The following FOXP2 variants were observed in gnomAD, a reference collection of about 807,000 sequenced individuals.
FOXP2 encodes the protein forkhead box protein P2.
A neutral mutation model predicts 115.8 loss-of-function variants in FOXP2; 12 were observed. That is an observed-to-expected ratio of 0.10 (90% CI 0.07 to 0.17). The LOEUF is 0.17. Ranked by LOEUF, FOXP2 falls within the 10% of genes least tolerant of loss-of-function variation. The pLI is 1.00. For synonymous variants in FOXP2, 328 were observed against 297.7 expected (o/e 1.10, Z -1.05); for missense variants, 629 against 843.5 (o/e 0.75, Z 3.15).
rs187360898 is a variant in FOXP2 at position 114,622,990 on chromosome 7, T to C, written c.259-5550T>C. On this transcript the variant is annotated intron_variant, in intron 3 of 16. Coordinates refer to ENST00000350908, the MANE Select transcript of FOXP2 (RefSeq NM_014491.4). ...ATGATGGTGTTTTCATAAATGACTA[T>C]ACCTCTTTTTATGGTGCACCTGTCT... Among the ~76,000 whole-genome samples, 7 of 152,082 alleles carry C rather than the reference T, an allele frequency of 4.6e-5. No individual in the cohort carries two copies. In the Middle Eastern group the frequency reaches 0.01, roughly 222 times the overall value.
intron 1 of FOXP2, among the ~76,000 whole-genome samples, chr7:114,220,355 A>G (rs908693694): frequency 6.6e-6 from 1 of 152,190 alleles, no homozygotes; most frequent in African/African-American, 2.4e-5. Context: ...ACAATTACAT[A>G]ACAGTTTCTG....
intron 2 of FOXP2, among the ~76,000 whole-genome samples, chr7:114,399,947 C>G (rs893107738): frequency 2.0e-5 from 3 of 151,308 alleles, no homozygotes; most frequent in African/African-American, 7.3e-5. Context: ...ACCTCCGCCC[C>G]CCGAGTTCAA....
chr7:114,327,637 G>A (rs187144915), intron 2 of FOXP2, among the ~76,000 whole-genome samples: 60 of 151,840 alleles, frequency 4.0e-4, no homozygotes, highest in African/African-American at 1.4e-3. Flanking sequence ...GAATAGCTGG[G>A]ACTAGAGGCA....
At chr7:114,303,186 T>C (rs148536871) in intron 2 of FOXP2, among the ~76,000 whole-genome samples, 2,269 of 152,254 alleles carry the variant, frequency 0.015, 25 homozygotes, top group African/African-American at 0.026. Flanking sequence ...ATATCACTTA[T>C]TGTTAAATGA....
At chr7:114,667,389 A>G (rs1299765807) in intron 16 of FOXP2, 5 of 152,224 alleles carry the variant, frequency 3.3e-5, no homozygotes, top group African/African-American at 9.7e-5. Flanking sequence ...TGATCATGGC[A>G]TGGAACTCCA....
At chr7:114,279,938 C>T (rs1381007150) in intron 1 of FOXP2, among the ~76,000 whole-genome samples, 16 of 151,844 alleles carry the variant, frequency 1.1e-4, no homozygotes, top group Admixed American at 9.9e-4. Flanking sequence ...CATCTTACTG[C>T]AATAAAGAAC....
chr7:114,443,200 A>G (rs946139438), intron 2 of FOXP2, among the ~76,000 whole-genome samples: 1 of 152,214 alleles, frequency 6.6e-6, no homozygotes, highest in Non-Finnish European at 1.5e-5. Context: ...TAACATATGT[A>G]CTGTCTCTAC....
intron 2 of FOXP2, among the ~76,000 whole-genome samples, chr7:114,521,370 A>AAAAC (rs1322804527): frequency 1.3e-5 from 2 of 151,898 alleles, no homozygotes; most frequent in Non-Finnish European, 1.5e-5. Flanking sequence ...AACTCTACCA[A>AAAAC]AAACAAACAA....
intron 1 of FOXP2, among the ~76,000 whole-genome samples, chr7:114,108,606 A>C: frequency 6.6e-6 from 1 of 151,914 alleles, no homozygotes; most frequent in East Asian, 1.9e-4. Flanking sequence ...TGTATTTTTA[A>C]ATGTAGAACT....
intron 3 of FOXP2, among the ~76,000 whole-genome samples, chr7:114,575,065 A>G (rs141123435): frequency 7.4e-4 from 112 of 151,822 alleles, no homozygotes; most frequent in Middle Eastern, 3.4e-3. Context: ...TGTGTTCCAA[A>G]TTCATCTCTC....
At chr7:114,238,504 G>A (rs569893718) in intron 1 of FOXP2, among the ~76,000 whole-genome samples, 3 of 152,322 alleles carry the variant, frequency 2.0e-5, no homozygotes, top group African/African-American at 7.2e-5. Flanking sequence ...TTGGCGAAGT[G>A]GCTCACGCCT....
intron 1 of FOXP2, among the ~76,000 whole-genome samples, chr7:114,139,858 A>G (rs1347131480): frequency 4.6e-5 from 7 of 152,160 alleles, no homozygotes; most frequent in African/African-American, 1.7e-4. Context: ...CATGCCTGTA[A>G]TCCTAGCACT....
chr7:114,198,269 C>T (rs1793965186), intron 1 of FOXP2, among the ~76,000 whole-genome samples: 1 of 152,124 alleles, frequency 6.6e-6, no homozygotes, highest in Non-Finnish European at 1.5e-5. Flanking sequence ...TGATTGGAAA[C>T]AATAGGTCAT....
intron 2 of FOXP2, among the ~76,000 whole-genome samples, chr7:114,291,860 T>TATATAATATATAGATAATATATAGA (rs1249906856): frequency 6.6e-5 from 6 of 91,506 alleles, no homozygotes; most frequent in South Asian, 3.3e-4. Context: ...TAACATTTTA[T>TATATAATATATAGATAATATATAGA]ATATAATATA....
At chr7:114,222,224 T>C (rs1794641589) in intron 1 of FOXP2, among the ~76,000 whole-genome samples, 2 of 152,208 alleles carry the variant, frequency 1.3e-5, no homozygotes, top group East Asian at 3.9e-4. Flanking sequence ...GGTGCAATCT[T>C]GGCTCACTGC....
chr7:114,100,429 G>T (rs1799753021), intron 1 of FOXP2, among the ~76,000 whole-genome samples: 1 of 152,102 alleles, frequency 6.6e-6, no homozygotes, highest in Non-Finnish European at 1.5e-5. Context: ...TCTAACAGAT[G>T]TGTCACATTG....
At chr7:114,226,200 C>T (rs1009220625) in intron 1 of FOXP2, among the ~76,000 whole-genome samples, 2 of 152,104 alleles carry the variant, frequency 1.3e-5, no homozygotes, top group Non-Finnish European at 2.9e-5. Context: ...GTTATTGAAC[C>T]AATCTTAATA....
At chr7:114,525,688 A>T (rs1023973732) in intron 2 of FOXP2, among the ~76,000 whole-genome samples, 1 of 152,094 alleles carries the variant, frequency 6.6e-6, no homozygotes, top group African/African-American at 2.4e-5. Context: ...CTACCTCTGC[A>T]TGTCAAAGTC....
At chr7:114,423,923 A>G (rs1446670031) in intron 1 of FOXP2, among the ~76,000 whole-genome samples, 4 of 151,440 alleles carry the variant, frequency 2.6e-5, no homozygotes, top group Admixed American at 6.6e-5. Flanking sequence ...CTTTTTTCAT[A>G]TAAGTGTTGT....
Sources: gnomAD v4.1 joint callset for allele counts (sites outside exome capture counted in the v4.1 genomes callset) on GRCh38, gnomAD v4.1.1 for gene constraint, MANE v1.5 for transcripts, NCBI Gene and HGNC (gene_info 2026-07-23, HGNC 2026-07-21) for gene names.